PKD1: variants seen among roughly 807,000 people sequenced by gnomAD.
PKD1 encodes the protein polycystin 1, transient receptor potential channel interacting, also known as polycystin-1.
PKD1 carries 81 observed loss-of-function variants against 361.7 expected under a neutral mutation model. That is an observed-to-expected ratio of 0.22 (90% confidence interval 0.19 to 0.27). PKD1 has a LOEUF of 0.27. Ranked by LOEUF, PKD1 falls within the 10% of genes least tolerant of loss-of-function variation. PKD1 has a pLI of 1.00. For missense variants in PKD1, 6,399 were observed against 6,118.3 expected, an observed-to-expected ratio of 1.05 and a Z score of -1.53; for synonymous variants, 3,615 against 2,818.3, an observed-to-expected ratio of 1.28 and a Z score of -8.95.
chr16:2,104,609 G>C lies in PKD1; in HGVS notation c.8050C>G (p.Leu2684Val). 2 of 1,588,828 alleles carry C rather than the reference G, an allele frequency of 1.3e-6. No individual in the cohort carries two copies. The highest frequency in any genetic ancestry group is 1.1e-5 in the South Asian group (1 of 89,458). Reference protein sequence around the residue: ...PSRELVCRSCLKQTLHKLEAM... With the variant: ...PSRELVCRSCVKQTLHKLEAM... ...TCCAGCTTGTGCAGCGTCTGCTTCAGGCACGAGCGGCATACGAGCTCCCTG... is the reference window on the plus strand; with the variant it reads ...TCCAGCTTGTGCAGCGTCTGCTTCACGCACGAGCGGCATACGAGCTCCCTG... The change falls in exon 22 of 46, where the codon CTG becomes GTG. Residue 2684 changes from leucine to valine, a missense_variant. Leu to Val is a conservative substitution (Grantham distance 32). Coordinates refer to ENST00000262304, the MANE Select transcript of PKD1 (RefSeq NM_001009944.3).
intron 34 of PKD1, among the ~76,000 whole-genome samples, chr16:2,096,519 A>ATT (rs150368306): frequency 2.0e-5 from 3 of 151,854 alleles, no homozygotes; most frequent in South Asian, 2.1e-4. Flanking sequence ...AAATTGAGGA[A>ATT]TTTTTTTGTT....
rs1596484465 is a variant in PKD1 at position 2,092,550 on chromosome 16, G to A, written c.11199C>T (p.Pro3733=). ...LWPWMAHVLL[P]YVHGNQSSPE... ...GGCTGGACTGGTTCCCGTGGACGTA[G>A]GGCAGCAGCACGTGGGCCATCCATG... Residue 3733 remains proline (P), a synonymous_variant, in exon 39 of 46, where the codon CCC becomes CCT. Coordinates refer to ENST00000262304, the MANE Select transcript of PKD1 (RefSeq NM_001009944.3). The A allele has an allele frequency of 6.2e-7, 1 of 1,612,586 alleles. No homozygotes were observed. The highest frequency in any genetic ancestry group is 8.5e-7 in the Non-Finnish European group (1 of 1,179,842).
In PKD1 at chr16:2,099,715, G is replaced by C; in HGVS notation, c.9979C>G (p.Leu3327Val). ...GGATAGACAACCACGCTGGACACCA[G>C]GCCAACAGCGACTGTGTCGACGCTC... ...PLSVDTVAVG[L>V]VSSVVVYPVY... The change falls in exon 30 of 46, where the codon CTG becomes GTG. Residue 3327 changes from leucine to valine, a missense_variant. Transcript: ENST00000262304. 6.3e-7 allele frequency: 1 copy of C among 1,582,788 alleles called. No individual in the cohort carries two copies. The highest frequency in any genetic ancestry group is 2.3e-5 in the East Asian group (1 of 43,828).
chr16:2,120,783 C>A (rs2092708134), intron 1 of PKD1, among the ~76,000 whole-genome samples: 3 of 152,110 alleles, frequency 2.0e-5, no homozygotes, highest in Non-Finnish European at 4.4e-5. Flanking sequence ...CTTTGGGAGG[C>A]CAAGGTGGGT....
Position 2,119,172 on chromosome 16 carries a change from T to C in PKD1, c.301A>G (p.Asn101Asp), listed in dbSNP as rs2092684149. The C allele has an allele frequency of 6.5e-7, 1 of 1,529,988 alleles. No homozygotes were observed. Among genetic ancestry groups the C allele is most frequent in the Non-Finnish European group, 8.9e-7 (1 of 1,120,542 alleles). 94.8% of individuals were successfully genotyped at this position (1,529,988 alleles called of 1,614,324 possible). Residue 101 changes from asparagine to aspartate, a missense_variant, in exon 3 of 46, where the codon AAC becomes GAC. Transcript: ENST00000262304. ...CCTTCTTCTAACGTAGAAATCTTGT[T>C]GTTGCTTATATCCCTGGAAGAGACG... is the stretch of plus-strand genomic sequence containing the variant. The part of the protein sequence containing the change: ...SALAELDISN[N>D]KISTLEEGIF...
rs1238545476 is a variant in PKD1, at chr16:2,119,140, A to G, written c.333T>C (p.Phe111=). 1.4e-6 allele frequency: 2 copies of G among 1,424,372 alleles called. No individual in the cohort carries two copies. Among genetic ancestry groups the G allele is most frequent in the Non-Finnish European group, 1.9e-6 (2 of 1,026,408 alleles). The allele number at this position is 1,424,372 out of a possible 1,614,324, so 88.2% of individuals were successfully genotyped here. ...TTTCACTTAAATTAAATAAATTAGCAAATATTCCTTCTTCTAACGTAGAAA... is the reference window on the plus strand; with the variant it reads ...TTTCACTTAAATTAAATAAATTAGCGAATATTCCTTCTTCTAACGTAGAAA... ...NKISTLEEGI[F]ANLFNLSEIN... The change falls in exon 3 of 46, where the codon TTT becomes TTC. Residue 111 remains phenylalanine (F), a synonymous_variant. Transcript: ENST00000262304.
rs1464158908 is a variant in PKD1, at chr16:2,093,675, T to A, written c.10885A>T (p.Thr3629Ser). The change falls in exon 37 of 46, where the codon ACC becomes TCC. Residue 3629 changes from threonine to serine, a missense_variant. Thr to Ser is a moderately conservative substitution (Grantham distance 58). Transcript: ENST00000262304. ...AKRLHPDEDD[T>S]LVESPAVTPV... ...GTCACAGCCGGGCTCTCTACCAGGG[T>A]GTCATCTTCATCCGGGTGCAGCCGC... is the stretch of plus-strand genomic sequence containing the variant. 3 of 1,606,270 alleles carry A rather than the reference T, an allele frequency of 1.9e-6. No homozygotes were observed. Among genetic ancestry groups the A allele is most frequent in the Non-Finnish European group, 1.7e-6 (2 of 1,176,784 alleles).
chr16:2,114,951 T>C (rs1351867653), intron 10 of PKD1, 26 bp from the exon 11 acceptor site: 2 of 1,525,704 alleles, frequency 1.3e-6, no homozygotes, highest in Middle Eastern at 2.3e-4. Context: ...CAGGGCTGCA[T>C]CACGTCCTCA....
In PKD1 at chr16:2,116,217, G is replaced by A. The variant is rs1170842683; in HGVS notation, c.1723-99C>T. 1.5e-5 allele frequency: 20 copies of A among 1,313,302 alleles called. No homozygotes were observed. The Admixed American group carries it at 2.9e-4, about 19-fold the overall frequency. 81.4% of individuals were successfully genotyped at this position (1,313,302 alleles called of 1,614,324 possible). ...TTCCCAGGAAGAGGGGAGGGAAGGA[G>A]AGCGAGCCATCAGACCCCCACAGGC... On this transcript the variant is annotated intron_variant, in intron 8 of 45. Coordinates refer to ENST00000262304, the MANE Select transcript of PKD1 (RefSeq NM_001009944.3).
At chr16:2,103,024 G>T (rs1360526397) in intron 23 of PKD1, 54 bp from the exon 24 acceptor site, 19 of 1,580,584 alleles carry the variant, frequency 1.2e-5, no homozygotes, top group South Asian at 4.4e-5. Context: ...CCACCCGGGG[G>T]ACACCCACGA....
At chr16:2,099,374 C>T (rs2091991570) in intron 30 of PKD1, 2 of 507,418 alleles carry the variant, frequency 3.9e-6, no homozygotes, top group African/African-American at 3.9e-5. Context: ...GTGCTTGCTT[C>T]TTCTGAGTTA....
rs1348307652 is a variant in PKD1 at position 2,115,572 on chromosome 16, G to T, written c.1903C>A (p.Gln635Lys). 4 of 1,592,680 alleles carry T rather than the reference G, an allele frequency of 2.5e-6. No individual in the cohort carries two copies. The highest frequency in any genetic ancestry group is 3.4e-6 in the Non-Finnish European group (4 of 1,168,410). ...CCTGGCATGCACGCGGGGGCCAGCT[G>T]GGTCCTGTTGTCCGGGGACCTGCTC... is the stretch of plus-strand genomic sequence containing the variant. Reference protein sequence around the residue: ...PESRSPDNRTQLAPACMPGGR... With the variant: ...PESRSPDNRTKLAPACMPGGR... The change falls in exon 10 of 46, where the codon CAG (glutamine) becomes AAG (lysine). Residue 635 changes from glutamine (Q) to lysine (K), a missense_variant. Transcript: ENST00000262304.
rs1234218919 is a variant in PKD1, at chr16:2,107,955, C to T, written c.6993G>A (p.Ala2331=). The T allele has an allele frequency of 1.4e-5, 22 of 1,546,960 alleles. No homozygotes were observed. The Admixed American group carries it at 2.5e-4, about 18-fold the overall frequency. The change falls in exon 16 of 46, where the codon GCG becomes GCA. Residue 2331 remains alanine (A), a synonymous_variant. Coordinates refer to ENST00000262304, the MANE Select transcript of PKD1 (RefSeq NM_001009944.3). ...STVTIPRERL[A]AGVEYTFSLT... ...GGCTGAAGGTGTACTCCACGCCAGC[C>T]GCCAGCCGCTCCCGTGGAATGGTGA... is the stretch of plus-strand genomic sequence containing the variant.
intron 1 of PKD1, among the ~76,000 whole-genome samples, chr16:2,124,922 G>A (rs2092775040): frequency 6.6e-6 from 1 of 152,184 alleles, no homozygotes; most frequent in South Asian, 2.1e-4. Flanking sequence ...CTCTCCTGGA[G>A]GAGCTGGTTC....
At chr16:2,103,021 G>C (rs751592167) in intron 23 of PKD1, 51 bp from the exon 24 acceptor site, 6 of 1,587,296 alleles carry the variant, frequency 3.8e-6, no homozygotes, top group Non-Finnish European at 5.1e-6. Flanking sequence ...CAACCACCCG[G>C]GGGACACCCA....
Position 2,105,187 on chromosome 16 carries a change from C to G in PKD1, c.8016+135G>C, listed in dbSNP as rs550595632. The G allele has an allele frequency of 1.0e-5, 9 of 861,896 alleles. No individual in the cohort carries two copies. The East Asian group carries it at 2.4e-4, about 23-fold the overall frequency. 53.4% of individuals were successfully genotyped at this position (861,896 alleles called of 1,614,324 possible). ...GAGGCTACTGAAGCAGGTCAGAGAC[C>G]GAGGAACGCCATGGCAGGAAGGAGC... is the stretch of plus-strand genomic sequence containing the variant. On this transcript the variant is annotated intron_variant, in intron 21 of 45. Transcript: ENST00000262304.
At chr16:2,130,141 G>A (rs1282198212) in intron 1 of PKD1, among the ~76,000 whole-genome samples, 3 of 152,210 alleles carry the variant, frequency 2.0e-5, no homozygotes, top group South Asian at 2.1e-4. Flanking sequence ...AGAAACTACC[G>A]TTTCTCACGC....
intron 20 of PKD1, 71 bp from the exon 21 acceptor site, chr16:2,105,545 C>T (rs975231184): frequency 5.7e-5 from 91 of 1,594,852 alleles, no homozygotes; most frequent in Middle Eastern, 2.3e-4. Context: ...CAGATGCCCA[C>T]GACTCCCGGG....
Position 2,108,636 on chromosome 16 carries a change from G to A in PKD1, c.6531C>T (p.Asp2177=), listed in dbSNP as rs778709206. The change falls in exon 15 of 46, where the codon GAC becomes GAT. Residue 2177 remains aspartate, a synonymous_variant. Coordinates refer to ENST00000262304, the MANE Select transcript of PKD1 (RefSeq NM_001009944.3). The stretch of plus-strand genomic sequence containing the variant: ...GGTACTCAGTCTGGTAGGTGACGCA[G>A]TCGCGCAGGTCAACGTGGGCCTCCA... ...NYLEAHVDLR[D]CVTYQTEYRW... 2 of 1,560,816 alleles carry A rather than the reference G, an allele frequency of 1.3e-6. No individual in the cohort carries two copies. The highest frequency in any genetic ancestry group is 2.3e-5 in the South Asian group (2 of 85,214).
Sources: allele counts gnomAD v4.1 joint callset (sites outside exome capture counted in the v4.1 genomes callset), GRCh38; gene constraint gnomAD v4.1.1; transcripts MANE v1.5; gene names NCBI Gene and HGNC (gene_info 2026-07-23, HGNC 2026-07-21).